Variants in PLA2G4C observed in about 807,000 individuals in gnomAD.
PLA2G4C encodes phospholipase A2 group IVC.
In PLA2G4C, 64 loss-of-function variants were observed where a neutral mutation model predicts 73.8. The observed-to-expected ratio is 0.87, with a 90% CI of 0.71 to 1.07. PLA2G4C has a LOEUF of 1.07. Ranked by LOEUF, PLA2G4C falls within the 50% of genes least tolerant of loss-of-function variation. The pLI is 0.00. For missense variants in PLA2G4C, 622 were observed against 665.4 expected (o/e 0.93, Z 0.72); for synonymous variants, 254 against 252.1 (o/e 1.01, Z -0.07).
At chr19:48,057,136 T>TA (rs1010598059) in intron 14 of PLA2G4C, among the ~76,000 whole-genome samples, 22 of 152,024 alleles carry the variant, frequency 1.4e-4, no homozygotes, top group African/African-American at 3.9e-4. Flanking sequence ...ACTTAAAAGT[T>TA]AAAAAAAGAT....
At chr19:48,077,614 C>T (rs1031701776) in intron 11 of PLA2G4C, among the ~76,000 whole-genome samples, 157 bp downstream of exon 11, 2 of 152,196 alleles carry the variant, frequency 1.3e-5, no homozygotes, top group Non-Finnish European at 2.9e-5. Context: ...CTCCTGGCTG[C>T]GTGGCCTCAG....
rs11564557 is a variant in PLA2G4C, at chr19:48,087,852, T to G, written c.790+834A>C. On this transcript the variant is annotated intron_variant, in intron 9 of 16. Transcript: ENST00000599921. ...AGGAGGCTGCGGCAGGAGAATTCCT[T>G]GAACCTGGGAGGCGGAGGTTGTGGG... 9.1e-3 allele frequency among the ~76,000 whole-genome samples: 1,371 copies of G among 151,482 alleles called. 14 individuals carry two copies. The highest frequency in any genetic ancestry group is 0.018 in the Admixed American group (266 of 15,174).
intron 11 of PLA2G4C, among the ~76,000 whole-genome samples, chr19:48,076,418 A>G (rs2030160956): frequency 2.0e-5 from 3 of 152,270 alleles, no homozygotes; most frequent in Non-Finnish European, 4.4e-5. Context: ...ACAGACAAGG[A>G]GACCTTGTGC....
intron 13 of PLA2G4C, among the ~76,000 whole-genome samples, chr19:48,065,947 G>T (rs981676381): frequency 6.6e-5 from 10 of 152,088 alleles, no homozygotes; most frequent in African/African-American, 2.4e-4. Context: ...TACAAAATTA[G>T]CCAGGCGTGG....
Position 48,048,323 on chromosome 19 carries a change from C to T in PLA2G4C, c.*20G>A, listed in dbSNP as rs1187615574. Reference sequence around the variant, plus strand: ...CTAGTAGACCAACAGGCCCACAGTGCCCTGGAAGCTGAGGCTCATCTATGC... The same window carrying T: ...CTAGTAGACCAACAGGCCCACAGTGTCCTGGAAGCTGAGGCTCATCTATGC... On this transcript the variant is annotated 3_prime_UTR_variant, in exon 17 of 17. Transcript: ENST00000599921. 6.3e-7 allele frequency: 1 copy of T among 1,592,204 alleles called. No homozygotes were observed. The highest frequency in any genetic ancestry group is 1.4e-5 in the African/African-American group (1 of 73,774).
intron 12 of PLA2G4C, 115 bp downstream of exon 12, chr19:48,074,652 G>C: frequency 1.3e-6 from 1 of 744,776 alleles, no homozygotes; most frequent in South Asian, 1.5e-5. Flanking sequence ...TGTACCAGTG[G>C]GACATCTGGT....
Position 48,095,585 on chromosome 19 carries a change from G to A in PLA2G4C, c.588C>T (p.Thr196=). ...GTGCAGAGAAGCCAGCGTGGTGAGG[G>A]GTGAACTCGAACCAGGTCTCTGCAG... is the stretch of plus-strand genomic sequence containing the variant. ...ARAPETWFEF[T]PHHAGFSALG... Residue 196 remains threonine, a synonymous_variant, in exon 7 of 17, where the codon ACC becomes ACT. Transcript: ENST00000599921. 6.2e-7 allele frequency: 1 copy of A among 1,614,078 alleles called. No individual in the cohort carries two copies. The highest frequency in any genetic ancestry group is 8.5e-7 in the Non-Finnish European group (1 of 1,179,976).
chr19:48,083,169 A>G (rs1450260702), intron 10 of PLA2G4C, among the ~76,000 whole-genome samples: 1 of 152,120 alleles, frequency 6.6e-6, no homozygotes, highest in Non-Finnish European at 1.5e-5. Context: ...TTGACATTTA[A>G]GAGGACACTC....
At position 48,054,962 on chromosome 19, in the gene PLA2G4C, C is replaced by T; in HGVS notation, c.1345G>A (p.Ala449Thr). The T allele has an allele frequency of 6.2e-7, 1 of 1,613,826 alleles. No individual in the cohort carries two copies. The highest frequency in any genetic ancestry group is 8.5e-7 in the Non-Finnish European group (1 of 1,179,986). The change falls in exon 15 of 17, where the codon GCC (alanine) becomes ACC (threonine). Residue 449 changes from alanine to threonine, a missense_variant. By Grantham distance (58) the Ala-to-Thr change is moderately conservative. Coordinates refer to ENST00000599921, the MANE Select transcript of PLA2G4C (RefSeq NM_003706.3). ...EEAELDLWSK[A>T]PASCYILKGE... ...TTCAGGATGTAGCAGCTGGCGGGGGCCTTGGACCACAAATCCAGCTCAGCC... is the reference window on the plus strand; with the variant it reads ...TTCAGGATGTAGCAGCTGGCGGGGGTCTTGGACCACAAATCCAGCTCAGCC...
At chr19:48,067,756 G>T in intron 13 of PLA2G4C, 35 bp downstream of exon 13, 1 of 1,389,074 alleles carries the variant, frequency 7.2e-7, no homozygotes, top group Non-Finnish European at 1.0e-6. Context: ...CACACGCAAG[G>T]ACAGACCAGG....
intron 16 of PLA2G4C, among the ~76,000 whole-genome samples, chr19:48,050,735 T>G (rs1967696736): frequency 6.9e-6 from 1 of 144,392 alleles, no homozygotes; most frequent in African/African-American, 2.6e-5. Flanking sequence ...AGTGCAGTGG[T>G]GTGATCTGGG....
chr19:48,057,692 G>T (rs1200122546), intron 14 of PLA2G4C, among the ~76,000 whole-genome samples: 3 of 150,170 alleles, frequency 2.0e-5, no homozygotes, highest in Non-Finnish European at 3.0e-5. Flanking sequence ...GTTTCGCCAT[G>T]TTGGCCAGGC....
In PLA2G4C at chr19:48,048,300, A is replaced by G; in HGVS notation, c.*43T>C. The G allele has an allele frequency of 6.6e-7, 1 of 1,516,316 alleles. No homozygotes were observed. The highest frequency in any genetic ancestry group is 9.1e-7 in the Non-Finnish European group (1 of 1,104,386). 93.9% of individuals were successfully genotyped at this position (1,516,316 alleles called of 1,614,324 possible). A position where few individuals can be genotyped will look rare whatever the true frequency, so the allele number is the denominator to read the frequency against. ...AAGGCCAGGTGGACATCAGGGCCCT[A>G]GTAGACCAACAGGCCCACAGTGCCC... On this transcript the variant is annotated 3_prime_UTR_variant, in exon 17 of 17. Transcript: ENST00000599921.
At position 48,110,503 on chromosome 19, in the gene PLA2G4C, G is replaced by T; in HGVS notation, c.-49C>A. The T allele has an allele frequency of 1.3e-6, 2 of 1,538,492 alleles. No individual in the cohort carries two copies. The highest frequency in any genetic ancestry group is 1.2e-5 in the South Asian group (1 of 83,726). On this transcript the variant is annotated 5_prime_UTR_variant, in exon 1 of 17. Transcript: ENST00000599921. ...ACGGCTTGCCTGAGCCTGGGTCTGG[G>T]GCGTGTGCGCATGCGCGGTGGAGCT...
At chr19:48,107,522 G>C (rs1006441737) in intron 1 of PLA2G4C, among the ~76,000 whole-genome samples, 2 of 152,172 alleles carry the variant, frequency 1.3e-5, no homozygotes, top group Non-Finnish European at 2.9e-5. Context: ...CTTGGTCTTG[G>C]GGTAACGCCA....
At chr19:48,074,737 T>C in intron 12 of PLA2G4C, 30 bp downstream of exon 12, 1 of 1,483,910 alleles carries the variant, frequency 6.7e-7, no homozygotes, top group Non-Finnish European at 9.4e-7. Flanking sequence ...CACTTACTGT[T>C]GATGACACTT....
In PLA2G4C at chr19:48,048,352, G is replaced by A. The variant is rs1290269056; in HGVS notation, c.1617C>T (p.Cys539=). 1.3e-6 allele frequency: 2 copies of A among 1,598,698 alleles called. No individual in the cohort carries two copies. The highest frequency in any genetic ancestry group is 2.7e-5 in the African/African-American group (2 of 74,044). Residue 539 remains cysteine, a synonymous_variant, in exon 17 of 17, where the codon TGC becomes TGT. Coordinates refer to ENST00000599921, the MANE Select transcript of PLA2G4C (RefSeq NM_003706.3). ...YYPKDSARSC[C]LA ...GGAAGCTGAGGCTCATCTATGCCAA[G>A]CAGCAACTTCGGGCACTATCCTTCG... is the stretch of plus-strand genomic sequence containing the variant.
rs1174716108 is a variant in PLA2G4C, at chr19:48,053,166, A to G, written c.1430-19T>C. The G allele has an allele frequency of 5.2e-6, 8 of 1,547,760 alleles. No individual in the cohort carries two copies. The highest frequency in any genetic ancestry group is 3.5e-6 in the Non-Finnish European group (4 of 1,138,196). On this transcript the variant is annotated intron_variant, in intron 15 of 16. Transcript: ENST00000599921. Reference sequence around the variant, plus strand: ...ATATCACCTGAAGCATAACCAAACCAACAAAGAAAAGGCATCATGAGTTTG... The same window carrying G: ...ATATCACCTGAAGCATAACCAAACCGACAAAGAAAAGGCATCATGAGTTTG...
intron 16 of PLA2G4C, among the ~76,000 whole-genome samples, chr19:48,048,948 G>T (rs80144081): frequency 6.6e-6 from 1 of 152,106 alleles, no homozygotes; most frequent in Non-Finnish European, 1.5e-5. Flanking sequence ...GTGAGTTCTT[G>T]CTCTATTAGT....
Sources: gnomAD v4.1 joint callset for allele counts (sites outside exome capture counted in the v4.1 genomes callset) on GRCh38, gnomAD v4.1.1 for gene constraint, MANE v1.5 for transcripts, NCBI Gene and HGNC (gene_info 2026-07-23, HGNC 2026-07-21) for gene names.